Variants in TDRD7 observed in about 807,000 individuals in gnomAD.
TDRD7 encodes the protein tudor domain-containing protein 7.
TDRD7 carries 47 observed loss-of-function variants against 109.8 expected under a neutral mutation model. The observed-to-expected ratio is 0.43, with a 90% confidence interval of 0.34 to 0.55. The LOEUF (loss-of-function observed/expected upper bound fraction) is 0.55, where lower values mean the gene tolerates loss of function less well. Among genes scored for constraint, TDRD7 ranks in the 20% least tolerant of loss-of-function variants. The pLI is 0.03. For missense variants in TDRD7, 1,164 were observed against 1,319.2 expected, an observed-to-expected ratio of 0.88 and a Z score of 1.82; for synonymous variants, 424 against 457.3, an observed-to-expected ratio of 0.93 and a Z score of 0.93.
intron 1 of TDRD7, among the ~76,000 whole-genome samples, chr9:97,424,257 C>T (rs1250661155): frequency 6.6e-6 from 1 of 151,728 alleles, no homozygotes; most frequent in Non-Finnish European, 1.5e-5. Flanking sequence ...GGTTTCACCA[C>T]ATTGGCCAGA....
chr9:97,494,702 ATATATATATATTTT>A (rs1424940622), intron 16 of TDRD7, among the ~76,000 whole-genome samples: 1 of 94,636 alleles, frequency 1.1e-5, no homozygotes, highest in African/African-American at 3.8e-5. Context: ...ATGTATATAT[ATATATATATATTTT>A]TTTTTTTTTC....
chr9:97,456,568 G>T (rs1401541427), intron 6 of TDRD7, among the ~76,000 whole-genome samples: 1 of 152,118 alleles, frequency 6.6e-6, no homozygotes, highest in Admixed American at 6.5e-5. Context: ...CAAAAGCAAT[G>T]GGGAAAGGAT....
intron 6 of TDRD7, among the ~76,000 whole-genome samples, chr9:97,445,542 TAAACTA>T (rs1357235194): frequency 6.6e-6 from 1 of 152,152 alleles, no homozygotes; most frequent in East Asian, 1.9e-4. Context: ...AGGTGGCTGT[TAAACTA>T]AAACCTGACA....
rs568885175 is a variant in TDRD7, at chr9:97,448,503, A to T, written c.855+6628A>T. 3.3e-5 allele frequency among the ~76,000 whole-genome samples: 5 copies of T among 152,308 alleles called. No homozygotes were observed. The East Asian group carries it at 9.6e-4, about 29-fold the overall frequency. ...CATCAGCTGGTCAACCTTTCTGTGA[A>T]CTGGCTAATCGTAGGGTGCAAGCTT... On this transcript the variant is annotated intron_variant, in intron 6 of 16. Transcript: ENST00000355295.
At chr9:97,486,351 G>A (rs1359393470) in intron 15 of TDRD7, among the ~76,000 whole-genome samples, 1 of 152,082 alleles carries the variant, frequency 6.6e-6, no homozygotes, top group African/African-American at 2.4e-5. Flanking sequence ...TTGAAGTCTG[G>A]GTTTTTCTCA....
chr9:97,475,884 C>G (rs1829010067), intron 12 of TDRD7, among the ~76,000 whole-genome samples: 1 of 152,044 alleles, frequency 6.6e-6, no homozygotes, highest in South Asian at 2.1e-4. Context: ...ATTGGTCATG[C>G]TTTTTCATTC....
At chr9:97,470,506 A>AT in intron 8 of TDRD7, 52 bp from the exon 9 acceptor site, 1 of 1,520,778 alleles carries the variant, frequency 6.6e-7, no homozygotes. Flanking sequence ...TATCAAATGA[A>AT]TTTTTTAAAG....
chr9:97,462,529 G>A (rs913774186), intron 7 of TDRD7, among the ~76,000 whole-genome samples: 2 of 152,298 alleles, frequency 1.3e-5, no homozygotes, highest in Admixed American at 1.3e-4. Flanking sequence ...CAGGCAGGCA[G>A]TAGGCACTGG....
intron 1 of TDRD7, among the ~76,000 whole-genome samples, chr9:97,423,253 A>G (rs1344301704): frequency 6.6e-6 from 1 of 152,212 alleles, no homozygotes; most frequent in Non-Finnish European, 1.5e-5. Flanking sequence ...GTAAGCTTTG[A>G]CATTTGTGTC....
intron 15 of TDRD7, 147 bp from the exon 16 acceptor site, chr9:97,487,025 T>G: frequency 1.1e-6 from 1 of 922,494 alleles, no homozygotes. Context: ...AGGAAATGCT[T>G]TTAAAACTTT....
intron 16 of TDRD7, among the ~76,000 whole-genome samples, chr9:97,489,832 T>C (rs1005492662): frequency 4.6e-5 from 7 of 152,190 alleles, no homozygotes; most frequent in African/African-American, 1.4e-4. Flanking sequence ...ATTTTTTCCT[T>C]TTCTTAGTGG....
chr9:97,494,439 T>C (rs979671053), intron 16 of TDRD7, among the ~76,000 whole-genome samples: 3 of 152,170 alleles, frequency 2.0e-5, no homozygotes, highest in Admixed American at 2.0e-4. Context: ...ACCTTACCAA[T>C]GGGTTACCTT....
intron 6 of TDRD7, among the ~76,000 whole-genome samples, chr9:97,451,548 TC>T (rs1297968838): frequency 6.6e-6 from 1 of 152,344 alleles, no homozygotes; most frequent in East Asian, 1.9e-4. Context: ...TGCCCCAGGC[TC>T]CCAAAGTGCT....
chr9:97,444,242 C>T (rs1828360433), intron 6 of TDRD7, among the ~76,000 whole-genome samples: 1 of 152,152 alleles, frequency 6.6e-6, no homozygotes, highest in African/African-American at 2.4e-5. Context: ...ATATAACTTT[C>T]CTATCTATAT....
chr9:97,456,427 A>C (rs539490806), intron 6 of TDRD7, among the ~76,000 whole-genome samples: 2 of 152,358 alleles, frequency 1.3e-5, no homozygotes, highest in East Asian at 3.9e-4. Context: ...CAGACTGACT[A>C]TACTACAAGG....
At chr9:97,445,371 T>C (rs1176393644) in intron 6 of TDRD7, among the ~76,000 whole-genome samples, 1 of 152,200 alleles carries the variant, frequency 6.6e-6, no homozygotes, top group Non-Finnish European at 1.5e-5. Flanking sequence ...AAGACAGACA[T>C]GGTCCTTGCC....
chr9:97,419,611 ACT>A (rs1329731759), intron 1 of TDRD7, among the ~76,000 whole-genome samples: 1 of 151,928 alleles, frequency 6.6e-6, no homozygotes, highest in Non-Finnish European at 1.5e-5. Flanking sequence ...AGGTGTGCAG[ACT>A]CTGCAGTTCT....
chr9:97,472,531 T>C (rs1286725798), intron 10 of TDRD7, 36 bp downstream of exon 10: 3 of 1,533,120 alleles, frequency 2.0e-6, no homozygotes, highest in Admixed American at 3.3e-5. Context: ...TTGTTACACA[T>C]TTTGTATGAG....
chr9:97,441,373 A>G (rs1828301786), intron 5 of TDRD7, among the ~76,000 whole-genome samples: 2 of 152,214 alleles, frequency 1.3e-5, no homozygotes. Flanking sequence ...TTATGTAGCA[A>G]GATCATCTTG....
Sources: gnomAD v4.1 joint callset for allele counts (sites outside exome capture counted in the v4.1 genomes callset) on GRCh38, gnomAD v4.1.1 for gene constraint, MANE v1.5 for transcripts, NCBI Gene and HGNC (gene_info 2026-07-23, HGNC 2026-07-21) for gene names.